Variants in PAQR5 observed in about 807,000 individuals in gnomAD.
PAQR5 encodes the protein progestin and adipoQ receptor family member 5.
In PAQR5, 20 loss-of-function variants were observed where a neutral mutation model predicts 34.5. The observed-to-expected ratio is 0.58, with a 90% confidence interval of 0.41 to 0.84. The LOEUF (loss-of-function observed/expected upper bound fraction) is 0.84, where lower values mean the gene tolerates loss of function less well. PAQR5 is among the 40% of genes least tolerant of loss of function. The probability of loss-of-function intolerance (pLI) is 0.00; values close to 1 mark genes in which losing one functional copy is unlikely to be tolerated. For missense variants in PAQR5, 378 were observed against 412.7 expected (o/e 0.92, Z 0.73); for synonymous variants, 131 against 155.6 (o/e 0.84, Z 1.18).
intron 2 of PAQR5, among the ~76,000 whole-genome samples, chr15:69,358,181 T>C (rs2055129390): frequency 6.6e-6 from 1 of 151,886 alleles, no homozygotes; most frequent in Non-Finnish European, 1.5e-5. Context: ...CCAAGGTGTA[T>C]TTTTCTGTTT....
intron 1 of PAQR5, among the ~76,000 whole-genome samples, chr15:69,336,946 C>T (rs1349977799): frequency 6.6e-6 from 1 of 152,142 alleles, no homozygotes; most frequent in African/African-American, 2.4e-5. Flanking sequence ...TGGCTATAGA[C>T]TTTTGTCATC....
At chr15:69,332,972 T>C (rs907906170) in intron 1 of PAQR5, among the ~76,000 whole-genome samples, 2 of 152,028 alleles carry the variant, frequency 1.3e-5, no homozygotes, top group African/African-American at 4.8e-5. Context: ...TAAAAGGATA[T>C]TTTTTAAAGA....
intron 4 of PAQR5, among the ~76,000 whole-genome samples, chr15:69,381,721 A>C (rs927254023): frequency 1.3e-5 from 2 of 152,228 alleles, no homozygotes; most frequent in African/African-American, 4.8e-5. Flanking sequence ...AGATGCCCTA[A>C]GGAAATGGGA....
chr15:69,339,344 A>G (rs2054586861), intron 2 of PAQR5, among the ~76,000 whole-genome samples: 2 of 152,162 alleles, frequency 1.3e-5, no homozygotes. Flanking sequence ...AGGCGTGGAC[A>G]AGGTGAACCC....
Position 69,354,916 on chromosome 15 carries a change from G to A in PAQR5, c.-115-5050G>A, listed in dbSNP as rs138845441. Among the ~76,000 whole-genome samples the A allele has an allele frequency of 9.7e-3, 1,477 of 152,170 alleles. 17 individuals carry two copies. Among genetic ancestry groups the A allele is most frequent in the Non-Finnish European group, 0.012 (799 of 68,000 alleles). The stretch of plus-strand genomic sequence containing the variant: ...GTCACCCTTCTTCTCCTTCCCTTGG[G>A]CATCAGAACTCCAGGCTTTCTGGCC... On this transcript the variant is annotated intron_variant, in intron 2 of 8. Coordinates refer to ENST00000395407, the MANE Select transcript of PAQR5 (RefSeq NM_017705.4).
intron 8 of PAQR5, among the ~76,000 whole-genome samples, chr15:69,401,692 A>C (rs1354501): frequency 1 from 151,850 of 152,356 alleles, 75,673 homozygotes; most frequent in Middle Eastern, 1. Context: ...ATTTCCTAGA[A>C]AATAGTTCAT....
chr15:69,397,201 C>T (rs1383313178), intron 6 of PAQR5: 2 of 625,506 alleles, frequency 3.2e-6, no homozygotes, highest in Admixed American at 2.1e-5. Context: ...TGCCCAGCGC[C>T]TCCTTTCTGG....
intron 1 of PAQR5, among the ~76,000 whole-genome samples, chr15:69,327,429 C>T (rs2140646540): frequency 1.3e-5 from 2 of 152,276 alleles, no homozygotes; most frequent in South Asian, 4.1e-4. Flanking sequence ...CTCCTTAGAG[C>T]TTCCTGTCCC....
intron 2 of PAQR5, among the ~76,000 whole-genome samples, chr15:69,349,729 C>T (rs191504475): frequency 6.6e-6 from 1 of 151,990 alleles, no homozygotes; most frequent in East Asian, 1.9e-4. Context: ...GAAACCTCTG[C>T]CTCCTGGGTT....
At chr15:69,326,262 C>T in intron 1 of PAQR5, among the ~76,000 whole-genome samples, 1 of 152,144 alleles carries the variant, frequency 6.6e-6, no homozygotes, top group East Asian at 1.9e-4. Flanking sequence ...CCAGCCAAGC[C>T]TGGCAGGAGT....
chr15:69,403,683 C>T lies in PAQR5; in HGVS notation c.854C>T (p.Ala285Val). The T allele has an allele frequency of 6.2e-7, 1 of 1,614,164 alleles. No homozygotes were observed. Residue 285 changes from alanine to valine, a missense_variant, in exon 9 of 9, where the codon GCC becomes GTC. Transcript: ENST00000395407. Reference protein sequence around the residue: ...DKTLRKEWLLATSKPFSFSQI... With the variant: ...DKTLRKEWLLVTSKPFSFSQI... ...ACTCTGAGGAAGGAATGGCTCCTGG[C>T]CACCTCCAAGCCCTTCTCTTTCTCT...
At chr15:69,306,180 T>C (rs1049958890) in intron 1 of PAQR5, among the ~76,000 whole-genome samples, 1 of 151,954 alleles carries the variant, frequency 6.6e-6, no homozygotes, top group African/African-American at 2.4e-5. Flanking sequence ...ACCACCCAGC[T>C]GTGTTGCGGG....
intron 4 of PAQR5, among the ~76,000 whole-genome samples, chr15:69,383,347 T>C (rs545826827): frequency 7.4e-5 from 10 of 134,612 alleles, no homozygotes; most frequent in African/African-American, 2.6e-4. Context: ...GTGCTCATGG[T>C]GGAGGGTGAG....
chr15:69,338,504 G>A (rs971393945), intron 2 of PAQR5, among the ~76,000 whole-genome samples: 2 of 152,172 alleles, frequency 1.3e-5, no homozygotes, highest in Non-Finnish European at 2.9e-5. Context: ...TGGAAGCCAA[G>A]CCAGGCCTGC....
rs373653931 is a variant in PAQR5, at chr15:69,314,548, C to T, written c.-277+15492C>T. ...GCCTTTAGGTATCTGGACCATTCCCCCCCATGGATGATAAAGTCTTTGCTT... is the reference window on the plus strand; with the variant it reads ...GCCTTTAGGTATCTGGACCATTCCCTCCCATGGATGATAAAGTCTTTGCTT... On this transcript the variant is annotated intron_variant, in intron 1 of 8. Coordinates refer to ENST00000395407, the MANE Select transcript of PAQR5 (RefSeq NM_017705.4). 4.6e-5 allele frequency: 7 copies of T among 152,416 alleles called. No individual in the cohort carries two copies. In the East Asian group the frequency reaches 1.2e-3, roughly 25 times the overall value. 9.4% of individuals were successfully genotyped at this position (152,416 alleles called of 1,614,324 possible). A position where few individuals can be genotyped will look rare whatever the true frequency, so the allele number is the denominator to read the frequency against.
At chr15:69,393,585 T>G (rs2056329774) in intron 6 of PAQR5, among the ~76,000 whole-genome samples, 2 of 152,070 alleles carry the variant, frequency 1.3e-5, no homozygotes, top group Non-Finnish European at 2.9e-5. Context: ...CCCAGCTGTC[T>G]TCCTCCCCCA....
chr15:69,334,188 G>C (rs902117219), intron 1 of PAQR5, among the ~76,000 whole-genome samples: 2 of 151,824 alleles, frequency 1.3e-5, no homozygotes, highest in East Asian at 3.9e-4. Flanking sequence ...CCACCACGCC[G>C]GGCTAATTTT....
intron 2 of PAQR5, among the ~76,000 whole-genome samples, chr15:69,337,919 A>G (rs2054548357): frequency 6.6e-6 from 1 of 152,112 alleles, no homozygotes; most frequent in South Asian, 2.1e-4. Flanking sequence ...TATTAAAAAA[A>G]TACAAAAATT....
chr15:69,334,228 C>A (rs887969653), intron 1 of PAQR5, among the ~76,000 whole-genome samples: 1 of 152,116 alleles, frequency 6.6e-6, no homozygotes, highest in South Asian at 2.1e-4. Context: ...TGGGGTTTCA[C>A]CATGTTAGCC....
Sources: allele counts gnomAD v4.1 joint callset (sites outside exome capture counted in the v4.1 genomes callset), GRCh38; gene constraint gnomAD v4.1.1; transcripts MANE v1.5; gene names NCBI Gene and HGNC (gene_info 2026-07-23, HGNC 2026-07-21).